Variants in ZNF732 observed in about 807,000 individuals in gnomAD.
ZNF732 encodes zinc finger protein LOC654254.
In ZNF732, 12 loss-of-function variants were observed where a neutral mutation model predicts 11.5. The observed-to-expected ratio is 1.05, with a 90% CI of 0.67 to 1.70. ZNF732 has a LOEUF of 1.70. ZNF732 is among the 40% of genes most tolerant of loss of function. The probability of loss-of-function intolerance (pLI) is 0.00; values close to 1 mark genes in which losing one functional copy is unlikely to be tolerated. For synonymous variants in ZNF732, 231 were observed against 236.5 expected (o/e 0.98, Z 0.21); for missense variants, 702 against 676.9 (o/e 1.04, Z -0.41).
At chr4:297,629 A>AC (rs1719981519) in intron 1 of ZNF732, among the ~76,000 whole-genome samples, 3 of 151,640 alleles carry the variant, frequency 2.0e-5, no homozygotes, top group Non-Finnish European at 2.9e-5. Flanking sequence ...AAAAAAAAAA[A>AC]AAACTGCAGG....
At chr4:299,551 A>G (rs1364266247) in intron 1 of ZNF732, among the ~76,000 whole-genome samples, 11 of 136,666 alleles carry the variant, frequency 8.0e-5, no homozygotes, top group East Asian at 2.0e-4. Flanking sequence ...ACACATATAT[A>G]TGTATATATA....
At position 272,194 on chromosome 4, in the gene ZNF732, T is replaced by A; in HGVS notation, c.663A>T (p.Lys221Asn). ...TGCCACATTCTTCACATGTGAAGGG[T>A]TTCTCTCCAGTATGAATTATCTCAT... ...NEYEIIHTGE[K>N]PFTCEECGNI... The change falls in exon 4 of 4, where the codon AAA (lysine) becomes AAT (asparagine). Residue 221 changes from lysine to asparagine, a missense_variant. Lys to Asn is a moderately conservative substitution (Grantham distance 94). Around this residue, in one of 3 missense-constraint regions of ZNF732, gnomAD observed 596 missense variants for 557.9 expected, o/e 1.07. Transcript: ENST00000419098. 1 of 1,613,176 alleles carries A rather than the reference T, an allele frequency of 6.2e-7. No individual in the cohort carries two copies. The highest frequency in any genetic ancestry group is 8.5e-7 in the Non-Finnish European group (1 of 1,179,546).
At chr4:300,691 T>C (rs1001392665) in intron 1 of ZNF732, among the ~76,000 whole-genome samples, 3 of 152,088 alleles carry the variant, frequency 2.0e-5, no homozygotes, top group South Asian at 2.1e-4. Flanking sequence ...ATTTAAGACT[T>C]GGAGGGCTGG....
chr4:297,833 G>A (rs983140451), intron 1 of ZNF732, among the ~76,000 whole-genome samples: 4 of 152,114 alleles, frequency 2.6e-5, no homozygotes, highest in Admixed American at 1.3e-4. Flanking sequence ...AAGCAGTTCC[G>A]AGAGATTTCA....
rs782721854 is a variant in ZNF732 at position 272,165 on chromosome 4, A to C, written c.692T>G (p.Ile231Ser). 8.7e-6 allele frequency: 14 copies of C among 1,611,966 alleles called. No homozygotes were observed. Among genetic ancestry groups the C allele is most frequent in the African/African-American group, 1.3e-5 (1 of 74,584 alleles). The stretch of plus-strand genomic sequence containing the variant: ...AGCAAAGTTTGAGGATGTGGTAAAG[A>C]TGTTGCCACATTCTTCACATGTGAA... The part of the protein sequence containing the change: ...KPFTCEECGN[I>S]FTTSSNFAKH... The change falls in exon 4 of 4, where the codon ATC becomes AGC. Residue 231 changes from isoleucine to serine, a missense_variant. Ile to Ser is a moderately radical substitution (Grantham distance 142). This residue lies in a region of ZNF732 where 596 missense variants were observed against 557.9 expected (regional missense o/e 1.07). Transcript: ENST00000419098.
intron 1 of ZNF732, 88 bp downstream of exon 1, chr4:305,220 C>T (rs1220241953): frequency 7.9e-6 from 12 of 1,513,888 alleles, no homozygotes; most frequent in Non-Finnish European, 9.7e-6. Context: ...GCGGAGACTC[C>T]GTTCGCAGAC....
chr4:282,211 A>C (rs938425592), intron 3 of ZNF732, among the ~76,000 whole-genome samples: 27 of 152,204 alleles, frequency 1.8e-4, no homozygotes, highest in African/African-American at 6.5e-4. Context: ...ATATAATATA[A>C]AAAGATGTAA....
At chr4:288,522 T>C (rs576764115) in intron 3 of ZNF732, among the ~76,000 whole-genome samples, 4 of 152,226 alleles carry the variant, frequency 2.6e-5, no homozygotes. Context: ...TGTATGGTTA[T>C]AGCAACCTTG....
At chr4:273,552 A>G (rs138811112) in intron 3 of ZNF732, among the ~76,000 whole-genome samples, 1 of 151,984 alleles carries the variant, frequency 6.6e-6, no homozygotes, top group Non-Finnish European at 1.5e-5. Context: ...AAAAATGAGA[A>G]CATCAATGAA....
intron 3 of ZNF732, 33 bp from the exon 4 acceptor site, chr4:272,663 C>A (rs1719415170): frequency 6.9e-7 from 1 of 1,457,000 alleles, no homozygotes; most frequent in African/African-American, 1.4e-5. Flanking sequence ...ATCCTGCTTA[C>A]TAGATTCATA....
intron 3 of ZNF732, among the ~76,000 whole-genome samples, chr4:288,502 T>C (rs536989284): frequency 5.5e-4 from 84 of 152,372 alleles, no homozygotes; most frequent in Non-Finnish European, 7.6e-4. Flanking sequence ...AGAGACTGTC[T>C]TTTTCTTATT....
intron 3 of ZNF732, among the ~76,000 whole-genome samples, chr4:279,574 G>T: frequency 6.6e-6 from 1 of 152,138 alleles, no homozygotes; most frequent in Non-Finnish European, 1.5e-5. Context: ...AAAAATGGCA[G>T]TTTATTGTTT....
Position 295,476 on chromosome 4 carries a change from T to C in ZNF732, c.188A>G (p.Tyr63Cys), listed in dbSNP as rs1172593744. The C allele has an allele frequency of 6.2e-7, 1 of 1,612,388 alleles. No individual in the cohort carries two copies. The highest frequency in any genetic ancestry group is 8.5e-7 in the Non-Finnish European group (1 of 1,179,166). The part of the protein sequence containing the change: ...VIYLEQRKEP[Y>C]KVKIHETVAK... ...TACTGTCTCATGTATCTTCACTTTGTAGGGCTCCTTTCTTTGCTCCAGATA... is the reference window on the plus strand; with the variant it reads ...TACTGTCTCATGTATCTTCACTTTGCAGGGCTCCTTTCTTTGCTCCAGATA... Residue 63 changes from tyrosine to cysteine, a missense_variant, in exon 3 of 4, where the codon TAC becomes TGC. By Grantham distance (194) the Tyr-to-Cys change is radical. This residue lies in a region of ZNF732 where 596 missense variants were observed against 557.9 expected (regional missense o/e 1.07). Transcript: ENST00000419098.
chr4:276,750 C>T lies in ZNF732; in HGVS notation c.227-4120G>A, dbSNP rs145249696. Among the ~76,000 whole-genome samples, 258 of 151,530 alleles carry T rather than the reference C, an allele frequency of 1.7e-3. 2 individuals are homozygous for T. Among genetic ancestry groups the T allele is most frequent in the East Asian group, 6.0e-3 (31 of 5,150 alleles). On this transcript the variant is annotated intron_variant, in intron 3 of 3. Coordinates refer to ENST00000419098, the MANE Select transcript of ZNF732 (RefSeq NM_001137608.3). ...TACTCAAGGTGATCTATAGATTCAA[C>T]GCAATCTCTTATCAAAATACCAATG...
Position 272,692 on chromosome 4 carries a change from C to G in ZNF732, c.227-62G>C. 3 of 1,364,738 alleles carry G rather than the reference C, an allele frequency of 2.2e-6. No individual in the cohort carries two copies. In the Admixed American group the frequency reaches 9.0e-5, roughly 41 times the overall value. 84.5% of individuals were successfully genotyped at this position (1,364,738 alleles called of 1,614,324 possible). ...ATTCATACGAATATACTTTAAAAAT[C>G]TAATATATAAACTTATACAAAGTAC... On this transcript the variant is annotated intron_variant, in intron 3 of 3. Transcript: ENST00000419098.
intron 3 of ZNF732, among the ~76,000 whole-genome samples, chr4:276,707 A>T (rs1360173830): frequency 6.6e-6 from 1 of 151,950 alleles, no homozygotes; most frequent in Non-Finnish European, 1.5e-5. Flanking sequence ...AAATTAAAAA[A>T]TATGAAAGTG....
At chr4:276,118 A>G in intron 3 of ZNF732, among the ~76,000 whole-genome samples, 1 of 151,770 alleles carries the variant, frequency 6.6e-6, no homozygotes, top group East Asian at 1.9e-4. Context: ...CACACACACA[A>G]ATATAGATTT....
At chr4:294,520 G>A (rs116752037) in intron 3 of ZNF732, among the ~76,000 whole-genome samples, 13 of 152,250 alleles carry the variant, frequency 8.5e-5, no homozygotes, top group Admixed American at 3.3e-4. Flanking sequence ...ATGATTGAGC[G>A]CTTAATATTA....
intron 1 of ZNF732, among the ~76,000 whole-genome samples, chr4:303,562 G>A (rs1336389664): frequency 6.6e-6 from 1 of 152,254 alleles, no homozygotes; most frequent in Non-Finnish European, 1.5e-5. Flanking sequence ...GTTGCAGTGA[G>A]CCGATATCAC....
Sources: allele counts gnomAD v4.1 joint callset (sites outside exome capture counted in the v4.1 genomes callset), GRCh38; gene constraint gnomAD v4.1.1; regional missense constraint gnomAD v4.1.1; transcripts MANE v1.5; gene names NCBI Gene and HGNC (gene_info 2026-07-23, HGNC 2026-07-21).